The following PPM1L variants were observed in gnomAD, a reference collection of about 807,000 sequenced individuals.
PPM1L encodes protein phosphatase, Mg2+/Mn2+ dependent 1L.
Under a neutral mutation model 31.4 loss-of-function variants are expected in PPM1L, and 13 were observed. The ratio of observed to expected loss-of-function variants is 0.41; its 90% CI spans 0.27 to 0.66. PPM1L has a LOEUF of 0.66. Ranked by LOEUF, PPM1L falls within the 30% of genes least tolerant of loss-of-function variation. The probability of loss-of-function intolerance (pLI) is 0.29; values close to 1 mark genes in which losing one functional copy is unlikely to be tolerated. For synonymous variants in PPM1L, 184 were observed against 175.4 expected (o/e 1.05, Z -0.39); for missense variants, 326 against 453.7 (o/e 0.72, Z 2.56).
chr3:160,800,958 A>C (rs768256556), intron 1 of PPM1L, among the ~76,000 whole-genome samples: 26 of 152,234 alleles, frequency 1.7e-4, no homozygotes, highest in Non-Finnish European at 2.8e-4. Flanking sequence ...TTTTAAAAAT[A>C]AGACTGCATA....
intron 1 of PPM1L, among the ~76,000 whole-genome samples, chr3:160,769,874 C>A (rs1191847342): frequency 6.6e-6 from 1 of 152,074 alleles, no homozygotes; most frequent in African/African-American, 2.4e-5. Flanking sequence ...AATTTTTGTA[C>A]CCATTTCGGA....
At chr3:160,869,983 C>T (rs970247316) in intron 1 of PPM1L, among the ~76,000 whole-genome samples, 3 of 152,134 alleles carry the variant, frequency 2.0e-5, no homozygotes, top group African/African-American at 7.2e-5. Flanking sequence ...GTCCAGCTGC[C>T]ACTGTTACTC....
intron 1 of PPM1L, among the ~76,000 whole-genome samples, chr3:160,817,741 G>A (rs1713040039): frequency 6.6e-6 from 1 of 152,062 alleles, no homozygotes; most frequent in African/African-American, 2.4e-5. Flanking sequence ...TGCTGAGAGA[G>A]CTGTGGTGCC....
chr3:161,051,154 A>G (rs1052114883), intron 2 of PPM1L, among the ~76,000 whole-genome samples: 1 of 152,174 alleles, frequency 6.6e-6, no homozygotes, highest in Admixed American at 6.6e-5. Context: ...CTTCTCTGCT[A>G]TCACCCACAC....
chr3:160,904,626 C>T (rs1307542233), intron 1 of PPM1L, among the ~76,000 whole-genome samples: 3 of 151,976 alleles, frequency 2.0e-5, no homozygotes, highest in Admixed American at 6.6e-5. Context: ...GTTAAGGTAT[C>T]AGTGCTACAT....
Position 161,071,212 on chromosome 3 carries a change from G to T in PPM1L, c.*2055G>T, listed in dbSNP as rs1384588316. On this transcript the variant is annotated 3_prime_UTR_variant, in exon 4 of 4. Transcript: ENST00000498165. ...CAGGACATTCTGACTCCTAAGAGTTGCCCCCACCCACCATCAAACTGAAAT... is the reference window on the plus strand; with the variant it reads ...CAGGACATTCTGACTCCTAAGAGTTTCCCCCACCCACCATCAAACTGAAAT... 1 of 152,180 alleles carries T rather than the reference G, an allele frequency of 6.6e-6. No homozygotes were observed. Among genetic ancestry groups the T allele is most frequent in the African/African-American group, 2.4e-5 (1 of 41,416 alleles). 9.4% of individuals were successfully genotyped at this position (152,180 alleles called of 1,614,324 possible).
At chr3:160,902,366 A>T (rs1713572826) in intron 1 of PPM1L, among the ~76,000 whole-genome samples, 2 of 152,092 alleles carry the variant, frequency 1.3e-5, no homozygotes, top group African/African-American at 4.8e-5. Flanking sequence ...ATCTAAAGGA[A>T]CCCAATCCTC....
intron 1 of PPM1L, among the ~76,000 whole-genome samples, chr3:160,911,143 C>T (rs1463392036): frequency 2.0e-5 from 3 of 152,130 alleles, no homozygotes; most frequent in Non-Finnish European, 2.9e-5. Context: ...ATTTTCCTAC[C>T]GCAGGTGTAC....
chr3:161,021,896 G>A (rs1165388254), intron 2 of PPM1L, among the ~76,000 whole-genome samples: 3 of 151,546 alleles, frequency 2.0e-5, no homozygotes, highest in African/African-American at 4.8e-5. Flanking sequence ...TGTGCCATTG[G>A]ATCTAAAGTA....
intron 1 of PPM1L, among the ~76,000 whole-genome samples, chr3:160,858,453 G>T (rs892335202): frequency 6.6e-6 from 1 of 152,052 alleles, no homozygotes; most frequent in African/African-American, 2.4e-5. Context: ...CACTGTGTTG[G>T]TCAGGCTGGT....
At chr3:161,001,240 A>T (rs999421460) in intron 2 of PPM1L, among the ~76,000 whole-genome samples, 2 of 152,104 alleles carry the variant, frequency 1.3e-5, no homozygotes, top group African/African-American at 4.8e-5. Flanking sequence ...ACAACAACAA[A>T]ACAAACAACA....
intron 2 of PPM1L, among the ~76,000 whole-genome samples, chr3:161,033,831 A>C (rs1305474409): frequency 6.6e-6 from 1 of 152,230 alleles, no homozygotes; most frequent in Non-Finnish European, 1.5e-5. Context: ...CAAAAGCCCA[A>C]ACTGACAAAT....
At chr3:160,903,312 G>A (rs1418796725) in intron 1 of PPM1L, among the ~76,000 whole-genome samples, 1 of 151,804 alleles carries the variant, frequency 6.6e-6, no homozygotes, top group Non-Finnish European at 1.5e-5. Flanking sequence ...CTGTGGGGCA[G>A]GCCAGCAGGC....
At chr3:161,000,187 A>G (rs1717439163) in intron 2 of PPM1L, among the ~76,000 whole-genome samples, 1 of 152,230 alleles carries the variant, frequency 6.6e-6, no homozygotes. Flanking sequence ...TCAAATACAC[A>G]TGTGCTTTAA....
intron 2 of PPM1L, among the ~76,000 whole-genome samples, chr3:161,048,447 T>C (rs1344261138): frequency 6.6e-6 from 1 of 152,098 alleles, no homozygotes; most frequent in Non-Finnish European, 1.5e-5. Flanking sequence ...CTGGAGAGAA[T>C]GTGGAGAAAT....
At chr3:160,907,155 G>A (rs1713790843) in intron 1 of PPM1L, among the ~76,000 whole-genome samples, 2 of 152,126 alleles carry the variant, frequency 1.3e-5, no homozygotes, top group Admixed American at 6.5e-5. Flanking sequence ...AGCAACAAAA[G>A]CAGAGCTCCC....
intron 1 of PPM1L, among the ~76,000 whole-genome samples, chr3:160,950,181 A>AT (rs1412766934): frequency 6.6e-6 from 1 of 152,090 alleles, no homozygotes; most frequent in Non-Finnish European, 1.5e-5. Flanking sequence ...TGGGTGCCTT[A>AT]TTGCTTGTCA....
intron 2 of PPM1L, among the ~76,000 whole-genome samples, chr3:160,971,729 G>T (rs1716348382): frequency 6.6e-6 from 1 of 152,034 alleles, no homozygotes; most frequent in Non-Finnish European, 1.5e-5. Flanking sequence ...GCCTTATACA[G>T]ACCAATTCTT....
Position 160,944,799 on chromosome 3 carries a change from T to A in PPM1L, c.400-16937T>A, listed in dbSNP as rs1455927911. 4.5e-4 allele frequency among the ~76,000 whole-genome samples: 10 copies of A among 22,130 alleles called. 3 individuals carry two copies. The highest frequency in any genetic ancestry group is 2.3e-3 in the Admixed American group (4 of 1,762). The allele number at this position is 22,130 out of a possible 152,430, so 14.5% of individuals were successfully genotyped here. On this transcript the variant is annotated intron_variant, in intron 1 of 3. Transcript: ENST00000498165. ...TATATTATATTATATATGTTATATATAACATATATAACATATATATGTTAT... is the reference window on the plus strand; with the variant it reads ...TATATTATATTATATATGTTATATAAAACATATATAACATATATATGTTAT...
Sources: allele counts gnomAD v4.1 joint callset (sites outside exome capture counted in the v4.1 genomes callset), GRCh38; gene constraint gnomAD v4.1.1; transcripts MANE v1.5; gene names NCBI Gene and HGNC (gene_info 2026-07-23, HGNC 2026-07-21).